The following ADIPOR1 variants were observed in gnomAD, a reference collection of about 807,000 sequenced individuals.
ADIPOR1 encodes adiponectin receptor protein 1.
ADIPOR1 carries 15 observed loss-of-function variants against 37.5 expected under a neutral mutation model. That is an observed-to-expected ratio of 0.40 (90% CI 0.27 to 0.62). ADIPOR1 has a LOEUF of 0.62. ADIPOR1 is among the 20% of genes least tolerant of loss of function. The pLI is 0.42. For synonymous variants in ADIPOR1, 173 were observed against 173.2 expected (o/e 1.00, Z 0.01); for missense variants, 286 against 478.0 (o/e 0.60, Z 3.75).
chr1:202,948,313 A>G lies in ADIPOR1; in HGVS notation c.249T>C (p.Phe83=). ...AGCTCATAGGCCATACCTTGTACACAAACTCTTCCATCTTCTCCATGGCGT... is the reference window on the plus strand; with the variant it reads ...AGCTCATAGGCCATACCTTGTACACGAACTCTTCCATCTTCTCCATGGCGT... ...AHHAMEKMEE[F]VYKVWEGRWR... is the part of the protein sequence containing the mutation. The change falls in exon 3 of 8, where the codon TTT becomes TTC. Residue 83 remains phenylalanine (F), a synonymous_variant. Coordinates refer to ENST00000340990, the MANE Select transcript of ADIPOR1 (RefSeq NM_015999.6). The G allele has an allele frequency of 6.2e-7, 1 of 1,609,882 alleles. No individual in the cohort carries two copies. The highest frequency in any genetic ancestry group is 2.2e-5 in the East Asian group (1 of 44,838).
chr1:202,958,197 G>C lies in ADIPOR1; in HGVS notation c.-107C>G, dbSNP rs1479344837. 6.6e-6 allele frequency: 1 copy of C among 152,026 alleles called. No individual in the cohort carries two copies. Among genetic ancestry groups the C allele is most frequent in the African/African-American group, 2.4e-5 (1 of 41,392 alleles). 9.4% of individuals were successfully genotyped at this position (152,026 alleles called of 1,614,324 possible). On this transcript the variant is annotated 5_prime_UTR_variant, in exon 1 of 8. Transcript: ENST00000340990. Reference sequence around the variant, plus strand: ...CTGGGAGACTTACAGCCGGGCAGGCGGGCTCTGCTGGGGGCCGCGGTCCCC... The same window carrying C: ...CTGGGAGACTTACAGCCGGGCAGGCCGGCTCTGCTGGGGGCCGCGGTCCCC...
Position 202,946,447 on chromosome 1 carries a change from T to C in ADIPOR1, c.422A>G (p.His141Arg). 1 of 1,613,946 alleles carries C rather than the reference T, an allele frequency of 6.2e-7. No individual in the cohort carries two copies. The highest frequency in any genetic ancestry group is 8.5e-7 in the Non-Finnish European group (1 of 1,180,004). Residue 141 changes from histidine to arginine, a missense_variant, in exon 4 of 8, where the codon CAT (histidine) becomes CGT (arginine). Coordinates refer to ENST00000340990, the MANE Select transcript of ADIPOR1 (RefSeq NM_015999.6). Reference sequence around the variant, plus strand: ...CCATCCAAATCACTCACCAAGCAGATGGGTCCAGATGTTGCCAGTTTCTGT... The same window carrying C: ...CCATCCAAATCACTCACCAAGCAGACGGGTCCAGATGTTGCCAGTTTCTGT... ...IHTETGNIWT[H>R]LLGFVLFLFL...
intron 4 of ADIPOR1, 77 bp from the exon 5 acceptor site, chr1:202,945,246 C>A: frequency 7.8e-7 from 1 of 1,280,008 alleles, no homozygotes. Context: ...GTTTTTGAAT[C>A]AGAGAGCTAC....
chr1:202,943,859 C>A lies in ADIPOR1; in HGVS notation c.704G>T (p.Arg235Leu). The A allele has an allele frequency of 6.2e-7, 1 of 1,614,106 alleles. No individual in the cohort carries two copies. Among genetic ancestry groups the A allele is most frequent in the Non-Finnish European group, 8.5e-7 (1 of 1,180,004 alleles). ...ACAGACGATGGAGAGGTAGATGAGC[C>A]GTGGCTGTGGGGAGCAGTAGAAGGA... ...YYSFYCSPQPRLIYLSIVCVL... is the reference protein window; with the variant it reads ...YYSFYCSPQPLLIYLSIVCVL... Residue 235 changes from arginine (R) to leucine (L), a missense_variant, in exon 6 of 8, where the codon CGG becomes CTG. Transcript: ENST00000340990.
intron 1 of ADIPOR1, among the ~76,000 whole-genome samples, chr1:202,955,003 G>C (rs1654723736): frequency 6.6e-6 from 1 of 152,112 alleles, no homozygotes; most frequent in Non-Finnish European, 1.5e-5. Context: ...GACCAGTCTA[G>C]CAGTATAGAT....
intron 4 of ADIPOR1, among the ~76,000 whole-genome samples, chr1:202,945,570 T>G (rs1024592397): frequency 1.3e-5 from 2 of 152,252 alleles, no homozygotes; most frequent in Non-Finnish European, 2.9e-5. Context: ...TGTATGTTTA[T>G]TGTAGCACAA....
chr1:202,954,617 G>A (rs1016962348), intron 1 of ADIPOR1, among the ~76,000 whole-genome samples: 1 of 152,178 alleles, frequency 6.6e-6, no homozygotes, highest in African/African-American at 2.4e-5. Flanking sequence ...ACTCGACTGA[G>A]TGCATTTTTG....
At chr1:202,941,995 A>T (rs761830447) in intron 7 of ADIPOR1, 30 bp downstream of exon 7, 28 of 1,592,052 alleles carry the variant, frequency 1.8e-5, no homozygotes, top group Non-Finnish European at 2.3e-5. Context: ...ACTCACCATC[A>T]CAGGACCTGC....
At position 202,940,935 on chromosome 1, in the gene ADIPOR1, A is replaced by G. The variant is rs1179367231; in HGVS notation, c.*638T>C. 6.6e-6 allele frequency: 1 copy of G among 152,628 alleles called. No homozygotes were observed. Among genetic ancestry groups the G allele is most frequent in the East Asian group, 1.9e-4 (1 of 5,204 alleles). The allele number at this position is 152,628 out of a possible 1,614,324, so 9.5% of individuals were successfully genotyped here. On this transcript the variant is annotated 3_prime_UTR_variant, in exon 8 of 8. Transcript: ENST00000340990. ...GGTTTCTTTTTAAAGCTTAGTATTA[A>G]ATATTAAATATCTTTCCCCATTTAA...
At chr1:202,951,991 C>T (rs1273243052) in intron 1 of ADIPOR1, among the ~76,000 whole-genome samples, 4 of 152,160 alleles carry the variant, frequency 2.6e-5, no homozygotes, top group Non-Finnish European at 5.9e-5. Flanking sequence ...CAGGCACACA[C>T]AAAATCAGAA....
In ADIPOR1 at chr1:202,946,546, T is replaced by C; in HGVS notation, c.323A>G (p.Asp108Gly). ...DVLPDWLKDNDYLLHGHRPPM... is the reference protein window; with the variant it reads ...DVLPDWLKDNGYLLHGHRPPM... ...AGGTCTATGACCATGTAGCAGATAGTCGTTGTCCTTTAGCCAGTCAGGGAG... is the reference window on the plus strand; with the variant it reads ...AGGTCTATGACCATGTAGCAGATAGCCGTTGTCCTTTAGCCAGTCAGGGAG... The change falls in exon 4 of 8, where the codon GAC (aspartate) becomes GGC (glycine). Residue 108 changes from aspartate (D) to glycine (G), a missense_variant. Asp to Gly is a moderately conservative substitution (Grantham distance 94). Transcript: ENST00000340990. 1 of 1,614,048 alleles carries C rather than the reference T, an allele frequency of 6.2e-7. No individual in the cohort carries two copies. The highest frequency in any genetic ancestry group is 1.1e-5 in the South Asian group (1 of 91,078).
chr1:202,949,018 T>C (rs577008820), intron 2 of ADIPOR1, among the ~76,000 whole-genome samples: 1 of 151,654 alleles, frequency 6.6e-6, no homozygotes, highest in East Asian at 2.0e-4. Flanking sequence ...CTCAATCTCC[T>C]GACCTCACGT....
intron 1 of ADIPOR1, 31 bp from the exon 2 acceptor site, chr1:202,951,195 C>A (rs1159961361): frequency 2.8e-6 from 3 of 1,090,692 alleles, no homozygotes; most frequent in East Asian, 4.9e-5. Context: ...GAAGGATTGA[C>A]AATTTATTCC....
chr1:202,952,475 T>G (rs758754505), intron 1 of ADIPOR1, among the ~76,000 whole-genome samples: 5 of 152,210 alleles, frequency 3.3e-5, no homozygotes, highest in Non-Finnish European at 7.3e-5. Context: ...GTGTCAGTTC[T>G]TTTTTATCTA....
At chr1:202,947,852 G>A (rs559422968) in intron 3 of ADIPOR1, among the ~76,000 whole-genome samples, 4 of 152,234 alleles carry the variant, frequency 2.6e-5, no homozygotes, top group Non-Finnish European at 5.9e-5. Flanking sequence ...ACAAACCACA[G>A]TATTAGTAGA....
At chr1:202,941,844 T>TA in intron 7 of ADIPOR1, 143 bp from the exon 8 acceptor site, 1 of 1,292,562 alleles carries the variant, frequency 7.7e-7, no homozygotes, top group Non-Finnish European at 1.1e-6. Flanking sequence ...TAGAAAGTTT[T>TA]AAAAACACAG....
intron 2 of ADIPOR1, among the ~76,000 whole-genome samples, chr1:202,949,481 G>A (rs1654472963): frequency 6.6e-6 from 1 of 151,120 alleles, no homozygotes; most frequent in African/African-American, 2.4e-5. Context: ...TCGGGAGGCT[G>A]AGGCAGGAGA....
In ADIPOR1 at chr1:202,943,866, G is replaced by A; in HGVS notation, c.697C>T (p.Gln233Ter). ...ATGGAGAGGTAGATGAGCCGTGGCT[G>A]TGGGGAGCAGTAGAAGGAATAATAG... is the stretch of plus-strand genomic sequence containing the variant. ...WLYYSFYCSP[Q>*]PRLIYLSIVC... Residue 233 changes from glutamine to a stop codon, truncating the protein, a stop_gained, in exon 6 of 8, where the codon CAG (glutamine) becomes TAG (stop). Transcript: ENST00000340990. LOFTEE classifies it high-confidence loss of function. 1 of 1,614,202 alleles carries A rather than the reference G, an allele frequency of 6.2e-7. No individual in the cohort carries two copies. Among genetic ancestry groups the A allele is most frequent in the Non-Finnish European group, 8.5e-7 (1 of 1,180,014 alleles).
At chr1:202,942,287 C>T (rs1210688674) in intron 6 of ADIPOR1, 69 bp from the exon 7 acceptor site, 5 of 1,430,584 alleles carry the variant, frequency 3.5e-6, no homozygotes, top group East Asian at 2.3e-5. Flanking sequence ...TGCTGTCTTA[C>T]TCTGGAATTT....
Sources: allele counts gnomAD v4.1 joint callset (sites outside exome capture counted in the v4.1 genomes callset), GRCh38; gene constraint gnomAD v4.1.1; transcripts MANE v1.5; gene names NCBI Gene and HGNC (gene_info 2026-07-23, HGNC 2026-07-21).